Variants in CSMD1 observed in about 807,000 individuals in gnomAD.
CSMD1 encodes the protein CUB and sushi domain-containing protein 1.
CSMD1 carries 213 observed loss-of-function variants against 417.5 expected under a neutral mutation model. The observed-to-expected ratio is 0.51, with a 90% CI of 0.46 to 0.57. CSMD1 has a LOEUF of 0.57. CSMD1 is among the 20% of genes least tolerant of loss of function. CSMD1 has a pLI of 0.00. For synonymous variants in CSMD1, 2,862 were observed against 1,736.8 expected, an observed-to-expected ratio of 1.65 and a Z score of -16.11; for missense variants, 6,923 against 4,529.7, an observed-to-expected ratio of 1.53 and a Z score of -15.17.
chr8:4,014,236 C>G (rs149006271), intron 4 of CSMD1, among the ~76,000 whole-genome samples: 12 of 152,270 alleles, frequency 7.9e-5, no homozygotes, highest in African/African-American at 2.6e-4. Flanking sequence ...GGAAAAAAAT[C>G]TAACAGAAGC....
chr8:3,783,960 C>T (rs1038329019), intron 5 of CSMD1, among the ~76,000 whole-genome samples: 7 of 152,188 alleles, frequency 4.6e-5, no homozygotes, highest in African/African-American at 1.7e-4. Flanking sequence ...TATTACCTGC[C>T]CTTGGGCAAA....
At chr8:4,297,907 A>T (rs549448835) in intron 3 of CSMD1, among the ~76,000 whole-genome samples, 2 of 152,350 alleles carry the variant, frequency 1.3e-5, no homozygotes, top group East Asian at 1.9e-4. Context: ...AAAAGTATAT[A>T]ATCAGAAAGG....
intron 2 of CSMD1, among the ~76,000 whole-genome samples, chr8:4,468,687 A>G (rs570027746): frequency 4.6e-5 from 7 of 152,332 alleles, no homozygotes; most frequent in African/African-American, 1.4e-4. Context: ...TGTATGTATC[A>G]TAACAAGAGT....
At chr8:3,052,935 G>A (rs1048229264) in intron 49 of CSMD1, among the ~76,000 whole-genome samples, 2 of 151,932 alleles carry the variant, frequency 1.3e-5, no homozygotes, top group Non-Finnish European at 2.9e-5. Context: ...GATTACAGGT[G>A]CACACCACCA....
intron 41 of CSMD1, among the ~76,000 whole-genome samples, chr8:3,129,512 T>C (rs1185523837): frequency 1.3e-5 from 2 of 152,152 alleles, no homozygotes; most frequent in Non-Finnish European, 2.9e-5. Flanking sequence ...CAGTGGCTCA[T>C]GCCTGTAATC....
chr8:4,023,377 G>T (rs979311217), intron 4 of CSMD1, among the ~76,000 whole-genome samples: 3 of 152,070 alleles, frequency 2.0e-5, no homozygotes, highest in African/African-American at 7.2e-5. Flanking sequence ...ACAATGCCCT[G>T]GTCCAAATGT....
intron 4 of CSMD1, among the ~76,000 whole-genome samples, chr8:4,011,875 C>G (rs967158735): frequency 6.6e-6 from 1 of 152,090 alleles, no homozygotes; most frequent in Non-Finnish European, 1.5e-5. Flanking sequence ...CCACAATGCT[C>G]AAGTCCCTTA....
intron 12 of CSMD1, among the ~76,000 whole-genome samples, chr8:3,441,246 T>C (rs548498216): frequency 4.1e-4 from 63 of 152,174 alleles, no homozygotes; most frequent in Middle Eastern, 3.4e-3. Context: ...TTTGGACTTG[T>C]GGCCTCCAGA....
chr8:3,484,617 T>C (rs1817923139), intron 11 of CSMD1, among the ~76,000 whole-genome samples: 1 of 152,190 alleles, frequency 6.6e-6, no homozygotes, highest in Non-Finnish European at 1.5e-5. Flanking sequence ...GCTTTTGCCA[T>C]GTGTTGAAAC....
intron 3 of CSMD1, among the ~76,000 whole-genome samples, chr8:4,044,507 G>A (rs1320033472): frequency 1.3e-5 from 2 of 152,188 alleles, no homozygotes; most frequent in African/African-American, 2.4e-5. Flanking sequence ...TCCAGAGGGA[G>A]GAAGGACAGT....
chr8:4,132,109 C>G (rs1026473488), intron 3 of CSMD1, among the ~76,000 whole-genome samples: 1 of 151,824 alleles, frequency 6.6e-6, no homozygotes, highest in Non-Finnish European at 1.5e-5. Context: ...ATATGGATCC[C>G]CAAAGTCTGT....
intron 3 of CSMD1, among the ~76,000 whole-genome samples, chr8:4,363,015 A>G (rs1428216438): frequency 6.6e-6 from 1 of 152,192 alleles, no homozygotes; most frequent in Non-Finnish European, 1.5e-5. Flanking sequence ...TAGATTTTGA[A>G]TTTTCAGTAT....
At chr8:3,330,398 T>C (rs1806815084) in intron 23 of CSMD1, among the ~76,000 whole-genome samples, 1 of 152,162 alleles carries the variant, frequency 6.6e-6, no homozygotes, top group South Asian at 2.1e-4. Flanking sequence ...ATATACACCA[T>C]GGAATACTAC....
intron 1 of CSMD1, among the ~76,000 whole-genome samples, chr8:4,972,912 G>T (rs1259038182): frequency 6.6e-6 from 1 of 152,084 alleles, no homozygotes; most frequent in African/African-American, 2.4e-5. Context: ...CTTGTGGAGA[G>T]TACTCTTGAA....
chr8:3,106,631 C>T lies in CSMD1; in HGVS notation c.6846G>A (p.Val2282=), dbSNP rs1227180327. The T allele has an allele frequency of 6.2e-7, 1 of 1,610,742 alleles. No homozygotes were observed. The highest frequency in any genetic ancestry group is 1.3e-5 in the African/African-American group (1 of 74,824). Residue 2282 remains valine, a synonymous_variant, in exon 46 of 70, where the codon GTG becomes GTA. Transcript: ENST00000635120. ...TGTACCCGGGGTGGCACTGGTACTT[C>T]ACAAAATCTCCTAGAAGAGTCAATG... ...EDDDFEIGDF[V]KYQCHPGYTL...
At chr8:4,661,722 A>G (rs905936640) in intron 1 of CSMD1, among the ~76,000 whole-genome samples, 25 of 152,212 alleles carry the variant, frequency 1.6e-4, no homozygotes, top group African/African-American at 6.0e-4. Flanking sequence ...TAAAAAGTTT[A>G]ATTTCAAAAC....
chr8:3,692,959 T>G (rs1327402073), intron 7 of CSMD1, among the ~76,000 whole-genome samples: 2 of 152,224 alleles, frequency 1.3e-5, no homozygotes, highest in Admixed American at 1.3e-4. Context: ...TGTTTTTTTG[T>G]GTGATTAACT....
At chr8:3,045,607 G>A (rs927596912) in intron 50 of CSMD1, among the ~76,000 whole-genome samples, 1 of 152,088 alleles carries the variant, frequency 6.6e-6, no homozygotes, top group Non-Finnish European at 1.5e-5. Flanking sequence ...ATACTTCTCA[G>A]AATAAACCAC....
At chr8:4,894,933 A>C (rs1247174769) in intron 1 of CSMD1, among the ~76,000 whole-genome samples, 1 of 152,190 alleles carries the variant, frequency 6.6e-6, no homozygotes, top group East Asian at 1.9e-4. Flanking sequence ...TTTGAAACAT[A>C]AGGCCAGGAA....
Sources: allele counts gnomAD v4.1 joint callset (sites outside exome capture counted in the v4.1 genomes callset), GRCh38; gene constraint gnomAD v4.1.1; transcripts MANE v1.5; gene names NCBI Gene and HGNC (gene_info 2026-07-23, HGNC 2026-07-21).